The following PTPRD variants were observed in gnomAD, a reference collection of about 807,000 sequenced individuals.
PTPRD encodes the protein receptor-type tyrosine-protein phosphatase delta.
PTPRD carries 34 observed loss-of-function variants against 214.5 expected under a neutral mutation model. That is an observed-to-expected ratio of 0.16 (90% CI 0.12 to 0.21). The LOEUF (loss-of-function observed/expected upper bound fraction) is 0.21. PTPRD is among the 10% of genes least tolerant of loss of function. PTPRD has a pLI of 1.00. For synonymous variants in PTPRD, 1,128 were observed against 845.7 expected, an observed-to-expected ratio of 1.33 and a Z score of -5.79; for missense variants, 2,545 against 2,398.7, an observed-to-expected ratio of 1.06 and a Z score of -1.27.
At chr9:10,228,253 G>A (rs1048748349) in intron 3 of PTPRD, among the ~76,000 whole-genome samples, 12 of 151,902 alleles carry the variant, frequency 7.9e-5, no homozygotes, top group African/African-American at 2.4e-4. Context: ...TTCCAACATT[G>A]AACCTCAAGG....
chr9:8,329,605 C>G (rs1488926454), intron 44 of PTPRD, among the ~76,000 whole-genome samples: 1 of 152,128 alleles, frequency 6.6e-6, no homozygotes, highest in East Asian at 1.9e-4. Context: ...TCTGCTGAAG[C>G]TGTGCCCACA....
chr9:9,260,017 A>AATTT (rs1309528936), intron 9 of PTPRD, among the ~76,000 whole-genome samples: 4 of 152,038 alleles, frequency 2.6e-5, no homozygotes, highest in African/African-American at 9.6e-5. Context: ...AAATCTGCAG[A>AATTT]ATTTAACAGT....
rs144848340 is a variant in PTPRD, at chr9:9,058,047, G to C, written c.-142-39312C>G. On this transcript the variant is annotated intron_variant, in intron 10 of 45. Transcript: ENST00000381196. Reference sequence around the variant, plus strand: ...TTGTTTAGAAAGGCAATTCTAAAATGAGATTATAGGAAAAAATAATTCACA... The same window carrying C: ...TTGTTTAGAAAGGCAATTCTAAAATCAGATTATAGGAAAAAATAATTCACA... Among the ~76,000 whole-genome samples the C allele has an allele frequency of 8.4e-3, 1,284 of 152,252 alleles. 11 individuals carry two copies. The highest frequency in any genetic ancestry group is 0.037 in the Middle Eastern group (11 of 294).
chr9:8,791,369 G>A (rs1322133441), intron 11 of PTPRD, among the ~76,000 whole-genome samples: 1 of 151,736 alleles, frequency 6.6e-6, no homozygotes, highest in African/African-American at 2.4e-5. Context: ...GGGATTACAG[G>A]CGCACACCAT....
intron 35 of PTPRD, among the ~76,000 whole-genome samples, chr9:8,430,451 T>TTG (rs2094968559): frequency 6.6e-6 from 1 of 151,010 alleles, no homozygotes; most frequent in Admixed American, 6.6e-5. Context: ...TTTTTTTTTT[T>TTG]GTAGTTTTGC....
intron 3 of PTPRD, among the ~76,000 whole-genome samples, chr9:10,250,851 T>C (rs2154369083): frequency 6.6e-6 from 1 of 151,974 alleles, no homozygotes; most frequent in East Asian, 1.9e-4. Flanking sequence ...TATAATCATA[T>C]GTAAATAGGT....
intron 2 of PTPRD, among the ~76,000 whole-genome samples, chr9:10,451,991 C>G (rs1187917842): frequency 1.3e-5 from 2 of 151,932 alleles, no homozygotes; most frequent in Non-Finnish European, 2.9e-5. Flanking sequence ...AAAGAAAGAG[C>G]TTTCCTGTTA....
intron 2 of PTPRD, among the ~76,000 whole-genome samples, chr9:10,444,325 T>C (rs921406831): frequency 1.3e-5 from 2 of 151,790 alleles, no homozygotes; most frequent in Admixed American, 6.6e-5. Context: ...ATTTAATGAC[T>C]CACAAAGAAG....
At chr9:9,699,399 C>A (rs567258402) in intron 7 of PTPRD, among the ~76,000 whole-genome samples, 2 of 151,880 alleles carry the variant, frequency 1.3e-5, no homozygotes, top group Non-Finnish European at 2.9e-5. Flanking sequence ...AGCTAAAATT[C>A]CTTTTTGTTC....
At chr9:10,140,764 C>T (rs1293184461) in intron 3 of PTPRD, among the ~76,000 whole-genome samples, 1 of 151,958 alleles carries the variant, frequency 6.6e-6, no homozygotes, top group African/African-American at 2.4e-5. Context: ...CCAGCATCAT[C>T]CTGATACCAA....
chr9:10,378,673 A>G (rs539682983), intron 2 of PTPRD, among the ~76,000 whole-genome samples: 3 of 152,018 alleles, frequency 2.0e-5, no homozygotes, highest in East Asian at 3.9e-4. Context: ...CCATTGGTCT[A>G]TGTGTCTGTT....
chr9:9,082,958 T>C (rs2099761460), intron 10 of PTPRD, among the ~76,000 whole-genome samples: 1 of 152,152 alleles, frequency 6.6e-6, no homozygotes, highest in Non-Finnish European at 1.5e-5. Flanking sequence ...ATCAATATCA[T>C]GAAAATGGCC....
chr9:9,221,506 A>G (rs560079561), intron 9 of PTPRD, among the ~76,000 whole-genome samples: 5 of 152,196 alleles, frequency 3.3e-5, no homozygotes, highest in African/African-American at 4.8e-5. Flanking sequence ...CCTGAGATCA[A>G]GGTGCTGGCT....
At chr9:9,973,183 C>T (rs1309262433) in intron 4 of PTPRD, among the ~76,000 whole-genome samples, 1 of 151,714 alleles carries the variant, frequency 6.6e-6, no homozygotes, top group East Asian at 1.9e-4. Context: ...GCAGATGTGG[C>T]TGGGCGCAGT....
intron 4 of PTPRD, among the ~76,000 whole-genome samples, chr9:10,032,068 T>A (rs561730363): frequency 1.5e-4 from 23 of 152,236 alleles, no homozygotes; most frequent in Middle Eastern, 3.4e-3. Flanking sequence ...GAGGATTAAT[T>A]AAATGTGAGC....
intron 2 of PTPRD, among the ~76,000 whole-genome samples, chr9:10,439,758 T>C (rs934832515): frequency 1.9e-4 from 29 of 151,804 alleles, no homozygotes; most frequent in Admixed American, 9.2e-4. Flanking sequence ...CCTCTCTTAC[T>C]TTCTCTGTGA....
At chr9:9,114,126 T>C (rs969186685) in intron 10 of PTPRD, among the ~76,000 whole-genome samples, 5 of 152,264 alleles carry the variant, frequency 3.3e-5, no homozygotes, top group African/African-American at 1.2e-4. Context: ...AAAACTATCA[T>C]TTAAAGTTTA....
chr9:8,489,507 G>T (rs941131827), intron 27 of PTPRD, among the ~76,000 whole-genome samples: 1 of 152,136 alleles, frequency 6.6e-6, no homozygotes, highest in African/African-American at 2.4e-5. Flanking sequence ...AAGCATAAAG[G>T]AAGGACTCAG....
At chr9:10,068,366 A>G (rs1192137824) in intron 3 of PTPRD, among the ~76,000 whole-genome samples, 1 of 151,948 alleles carries the variant, frequency 6.6e-6, no homozygotes, top group East Asian at 1.9e-4. Flanking sequence ...ATCATATAAG[A>G]TAATCCATCC....
Sources: allele counts gnomAD v4.1 joint callset (sites outside exome capture counted in the v4.1 genomes callset), GRCh38; gene constraint gnomAD v4.1.1; transcripts MANE v1.5; gene names NCBI Gene and HGNC (gene_info 2026-07-23, HGNC 2026-07-21).